Variants in ADGRL3 observed in about 807,000 individuals in gnomAD.
The protein encoded by ADGRL3 is calcium-independent alpha-latrotoxin receptor 3.
ADGRL3 carries 62 observed loss-of-function variants against 153.5 expected under a neutral mutation model. The ratio of observed to expected loss-of-function variants is 0.40; its 90% CI spans 0.33 to 0.50. The LOEUF (loss-of-function observed/expected upper bound fraction) is 0.50, where lower values mean the gene tolerates loss of function less well. Ranked by LOEUF, ADGRL3 falls within the 20% of genes least tolerant of loss-of-function variation. The pLI, the probability that ADGRL3 is intolerant of heterozygous loss-of-function variation, is 0.47. For missense variants in ADGRL3, 1,641 were observed against 1,859.4 expected (o/e 0.88, Z 2.16); for synonymous variants, 710 against 672.5 (o/e 1.06, Z -0.86).
At chr4:61,543,134 T>TC (rs111591124) in intron 4 of ADGRL3, among the ~76,000 whole-genome samples, 6 of 124,452 alleles carry the variant, frequency 4.8e-5, no homozygotes, top group African/African-American at 1.5e-4. Flanking sequence ...GAATTATCCC[T>TC]CCCCCCCACC....
At chr4:62,033,907 A>C (rs998254453) in intron 23 of ADGRL3, among the ~76,000 whole-genome samples, 3 of 151,704 alleles carry the variant, frequency 2.0e-5, no homozygotes, top group Non-Finnish European at 4.4e-5. Flanking sequence ...CTTTACACAC[A>C]TTCTTTTGCT....
At chr4:61,369,338 C>A (rs1262019449) in intron 1 of ADGRL3, among the ~76,000 whole-genome samples, 1 of 152,192 alleles carries the variant, frequency 6.6e-6, no homozygotes, top group African/African-American at 2.4e-5. Context: ...TCAGTTTTTG[C>A]CCATTGAGTA....
chr4:61,463,350 C>T (rs2097845706), intron 2 of ADGRL3, among the ~76,000 whole-genome samples: 1 of 152,132 alleles, frequency 6.6e-6, no homozygotes, highest in Non-Finnish European at 1.5e-5. Context: ...GGAAACTTAA[C>T]AATCATGGCA....
chr4:61,212,440 A>G (rs997922643), intron 1 of ADGRL3, among the ~76,000 whole-genome samples: 6 of 152,188 alleles, frequency 3.9e-5, no homozygotes, highest in Non-Finnish European at 7.3e-5. Flanking sequence ...ATAACTTTAT[A>G]ATTGCCTAAA....
At chr4:61,851,888 C>T (rs17090552) in intron 9 of ADGRL3, among the ~76,000 whole-genome samples, 2 of 152,114 alleles carry the variant, frequency 1.3e-5, no homozygotes, top group Non-Finnish European at 2.9e-5. Context: ...CGATAATAGA[C>T]TTGTTTTGCC....
intron 21 of ADGRL3, among the ~76,000 whole-genome samples, chr4:62,012,223 A>G (rs2099189858): frequency 6.6e-6 from 1 of 152,122 alleles, no homozygotes; most frequent in Non-Finnish European, 1.5e-5. Flanking sequence ...TGAGTCACAT[A>G]CTCAAAACGT....
chr4:61,581,045 T>G (rs570429942), intron 4 of ADGRL3, among the ~76,000 whole-genome samples: 1 of 152,182 alleles, frequency 6.6e-6, no homozygotes, highest in South Asian at 2.1e-4. Context: ...GTATTCTTAG[T>G]TTAAAGAATT....
chr4:61,526,518 C>T (rs899203231), intron 4 of ADGRL3, among the ~76,000 whole-genome samples: 2 of 151,712 alleles, frequency 1.3e-5, no homozygotes, highest in Admixed American at 1.3e-4. Flanking sequence ...TGGTTCATGC[C>T]TATAATCTTA....
chr4:61,685,552 CA>C (rs897132055), intron 6 of ADGRL3, among the ~76,000 whole-genome samples: 29 of 151,970 alleles, frequency 1.9e-4, no homozygotes, highest in African/African-American at 6.8e-4. Flanking sequence ...CGAGATAGGC[CA>C]AGAGTCTGGG....
chr4:61,366,935 A>T (rs1177165553), intron 1 of ADGRL3, among the ~76,000 whole-genome samples: 1 of 152,176 alleles, frequency 6.6e-6, no homozygotes, highest in Non-Finnish European at 1.5e-5. Flanking sequence ...TTTGTAGCAC[A>T]GTTAGCTAGC....
chr4:61,591,414 C>G (rs933785016), intron 5 of ADGRL3, among the ~76,000 whole-genome samples: 1 of 152,096 alleles, frequency 6.6e-6, no homozygotes, highest in African/African-American at 2.4e-5. Flanking sequence ...CTTCCCCAAC[C>G]TGTGCAGTGT....
chr4:61,769,627 G>A (rs2097057496), intron 8 of ADGRL3, among the ~76,000 whole-genome samples: 1 of 152,102 alleles, frequency 6.6e-6, no homozygotes, highest in African/African-American at 2.4e-5. Context: ...GTGCAGGCAG[G>A]CTGAGTCCGA....
chr4:61,244,978 A>G (rs1179926344), intron 1 of ADGRL3, among the ~76,000 whole-genome samples: 1 of 152,026 alleles, frequency 6.6e-6, no homozygotes, highest in Non-Finnish European at 1.5e-5. Flanking sequence ...ATGGGGCACT[A>G]TCCACACAAT....
At chr4:61,411,788 T>C (rs936849240) in intron 2 of ADGRL3, among the ~76,000 whole-genome samples, 5 of 152,280 alleles carry the variant, frequency 3.3e-5, no homozygotes, top group Non-Finnish European at 5.9e-5. Flanking sequence ...ATTTACTAGA[T>C]GTCAGGAAAT....
chr4:61,872,616 A>G (rs2098452217), intron 9 of ADGRL3, among the ~76,000 whole-genome samples: 1 of 151,398 alleles, frequency 6.6e-6, no homozygotes, highest in African/African-American at 2.4e-5. Flanking sequence ...TTACTTATTC[A>G]GTTTCAAGTC....
Position 62,071,744 on chromosome 4 carries a change from T to C in ADGRL3, c.*836T>C. ...TTTCTTCTCTTTCTTCATTTTCTTTTTTTCTTTTTTGCCTTTTATTCCTTT... is the reference window on the plus strand; with the variant it reads ...TTTCTTCTCTTTCTTCATTTTCTTTCTTTCTTTTTTGCCTTTTATTCCTTT... On this transcript the variant is annotated 3_prime_UTR_variant, in exon 27 of 27. Transcript: ENST00000683033. 1 of 420,900 alleles carries C rather than the reference T, an allele frequency of 2.4e-6. No individual in the cohort carries two copies. The highest frequency in any genetic ancestry group is 4.7e-6 in the Non-Finnish European group (1 of 213,312). 26.1% of individuals were successfully genotyped at this position (420,900 alleles called of 1,614,324 possible). A position where few individuals can be genotyped will look rare whatever the true frequency, so the allele number is the denominator to read the frequency against.
chr4:61,765,098 T>C (rs1336472802), intron 8 of ADGRL3, among the ~76,000 whole-genome samples: 1 of 152,144 alleles, frequency 6.6e-6, no homozygotes, highest in Non-Finnish European at 1.5e-5. Flanking sequence ...ATTATGTATT[T>C]ACTTCAAGAG....
chr4:61,935,902 A>T (rs760295009), intron 14 of ADGRL3, 21 bp from the exon 15 acceptor site: 10 of 1,578,852 alleles, frequency 6.3e-6, no homozygotes, highest in Middle Eastern at 1.7e-4. Context: ...ATGAGCACTG[A>T]TATCTCTTTG....
At chr4:62,050,925 A>G (rs1319760481) in intron 25 of ADGRL3, among the ~76,000 whole-genome samples, 1 of 151,824 alleles carries the variant, frequency 6.6e-6, no homozygotes, top group Non-Finnish European at 1.5e-5. Flanking sequence ...TATTTTGAAC[A>G]AGCATTATAC....
Sources: gnomAD v4.1 joint callset for allele counts (sites outside exome capture counted in the v4.1 genomes callset) on GRCh38, gnomAD v4.1.1 for gene constraint, MANE v1.5 for transcripts, NCBI Gene and HGNC (gene_info 2026-07-23, HGNC 2026-07-21) for gene names.